The following TMOD1 variants were observed in gnomAD, a reference collection of about 807,000 sequenced individuals.
TMOD1 encodes the protein tropomodulin-1.
In TMOD1, 17 loss-of-function variants were observed where a neutral mutation model predicts 40.6. The ratio of observed to expected loss-of-function variants is 0.42; its 90% CI spans 0.29 to 0.63. TMOD1 has a LOEUF of 0.63. Ranked by LOEUF, TMOD1 falls within the 20% of genes least tolerant of loss-of-function variation. TMOD1 has a pLI of 0.22. For synonymous variants in TMOD1, 181 were observed against 175.0 expected (o/e 1.03, Z -0.27); for missense variants, 391 against 447.6 (o/e 0.87, Z 1.14).
At chr9:97,565,787 T>C in intron 6 of TMOD1, 61 bp from the exon 7 acceptor site, 2 of 1,369,814 alleles carry the variant, frequency 1.5e-6, no homozygotes, top group Non-Finnish European at 2.1e-6. Flanking sequence ...CTAATCCACC[T>C]GCCTCAGCCT....
In TMOD1 at chr9:97,562,836, G is replaced by T; in HGVS notation, c.487+15G>T. 1 of 1,568,008 alleles carries T rather than the reference G, an allele frequency of 6.4e-7. No homozygotes were observed. ...GGGGCTCAACAGTGAGTATGCGCCC[G>T]CCCCCAGGAGGGACCTCATGCTTCT... is the stretch of plus-strand genomic sequence containing the variant. On this transcript the variant is annotated intron_variant, in intron 5 of 9. Coordinates refer to ENST00000259365, the MANE Select transcript of TMOD1 (RefSeq NM_003275.4).
chr9:97,572,390 G>T (rs1587950988), intron 8 of TMOD1, among the ~76,000 whole-genome samples: 2 of 152,186 alleles, frequency 1.3e-5, no homozygotes, highest in African/African-American at 4.8e-5. Flanking sequence ...GGGGACTGGG[G>T]GCAAGGAGAG....
chr9:97,551,030 T>A (rs1438776930), intron 3 of TMOD1, among the ~76,000 whole-genome samples: 2,042 of 36,640 alleles, frequency 0.056, 44 homozygotes, highest in South Asian at 0.12. Context: ...TTTTTTTTTT[T>A]TTTTTTTTTT....
At chr9:97,511,572 G>T (rs1829699843) in intron 1 of TMOD1, among the ~76,000 whole-genome samples, 1 of 152,152 alleles carries the variant, frequency 6.6e-6, no homozygotes, top group Non-Finnish European at 1.5e-5. Context: ...CCCCTGGGCA[G>T]TTTTTGTTTG....
chr9:97,556,497 G>A (rs1404685652), intron 4 of TMOD1, among the ~76,000 whole-genome samples: 3 of 152,120 alleles, frequency 2.0e-5, no homozygotes, highest in African/African-American at 7.2e-5. Context: ...AGGGAGAGGA[G>A]GACATGGGGC....
chr9:97,578,396 C>T (rs776429834), intron 8 of TMOD1, among the ~76,000 whole-genome samples: 2 of 152,158 alleles, frequency 1.3e-5, no homozygotes, highest in African/African-American at 2.4e-5. Context: ...GGTGTATGCA[C>T]GTGTTCTATT....
chr9:97,512,800 T>C (rs1326916640), intron 1 of TMOD1: 1 of 151,924 alleles, frequency 6.6e-6, no homozygotes, highest in Non-Finnish European at 1.5e-5. Flanking sequence ...TTGAGGGAGA[T>C]TGACCAGGAG....
Position 97,599,497 on chromosome 9 carries a change from G to A in TMOD1, c.1016-137G>A, listed in dbSNP as rs147227792. The A allele has an allele frequency of 4.2e-4, 441 of 1,045,150 alleles. 7 individuals carry two copies. In the South Asian group the frequency reaches 5.6e-3, roughly 13 times the overall value. 64.7% of individuals were successfully genotyped at this position (1,045,150 alleles called of 1,614,324 possible). A position where few individuals can be genotyped will look rare whatever the true frequency, so the allele number is the denominator to read the frequency against. ...GGCTGTTGTACAACTCACACATACTGTCCTTTCAAAACAACAGACTTCAGA... is the reference window on the plus strand; with the variant it reads ...GGCTGTTGTACAACTCACACATACTATCCTTTCAAAACAACAGACTTCAGA... On this transcript the variant is annotated intron_variant, in intron 9 of 9. Transcript: ENST00000259365.
At chr9:97,550,111 A>G (rs191452096) in intron 3 of TMOD1, among the ~76,000 whole-genome samples, 82 of 152,324 alleles carry the variant, frequency 5.4e-4, no homozygotes, top group Admixed American at 9.8e-4. Flanking sequence ...CTTATTTTGT[A>G]TACTTTCTAC....
chr9:97,565,728 C>T lies in TMOD1; in HGVS notation c.619-120C>T, dbSNP rs566621775. On this transcript the variant is annotated intron_variant, in intron 6 of 9. Transcript: ENST00000259365. ...CGGGACAAAGCCTAAACCTTTTGCC[C>T]ATTCAGCTTTTTGGCCAGAGACTTG... 2.3e-5 allele frequency: 17 copies of T among 743,992 alleles called. No homozygotes were observed. In the South Asian group the frequency reaches 3.1e-4, roughly 13 times the overall value. 46.1% of individuals were successfully genotyped at this position (743,992 alleles called of 1,614,324 possible).
intron 8 of TMOD1, among the ~76,000 whole-genome samples, chr9:97,578,060 A>G (rs546951047): frequency 6.6e-6 from 1 of 152,092 alleles, no homozygotes; most frequent in East Asian, 1.9e-4. Context: ...AGCTTCTTTG[A>G]CATCTCTTTT....
chr9:97,599,787 G>A lies in TMOD1; in HGVS notation c.*89G>A. The A allele has an allele frequency of 6.2e-7, 1 of 1,603,484 alleles. No individual in the cohort carries two copies. Among genetic ancestry groups the A allele is most frequent in the Non-Finnish European group, 8.5e-7 (1 of 1,173,586 alleles). On this transcript the variant is annotated 3_prime_UTR_variant, in exon 10 of 10. Transcript: ENST00000259365. ...GGGGAAACCAGAAGGCAAAATGCTG[G>A]CAGCATGAAACCCTTTTGTGGTTCA...
At chr9:97,573,482 G>C (rs966585942) in intron 8 of TMOD1, among the ~76,000 whole-genome samples, 2 of 152,176 alleles carry the variant, frequency 1.3e-5, no homozygotes, top group African/African-American at 2.4e-5. Flanking sequence ...CGTTGCGATT[G>C]TATCAGTTTT....
At chr9:97,535,369 T>C (rs552997794) in intron 2 of TMOD1, among the ~76,000 whole-genome samples, 1 of 152,282 alleles carries the variant, frequency 6.6e-6, no homozygotes, top group South Asian at 2.1e-4. Flanking sequence ...TAGCAGGCCA[T>C]GCCGCCCTCA....
Position 97,514,241 on chromosome 9 carries a change from G to T in TMOD1, c.-48-9900G>T, listed in dbSNP as rs376154271. ...CACACCTGGCTAATGTTTTTTTTTT[G>T]GGGGGGGGGTTGTGTTTTCTTTTTT... On this transcript the variant is annotated intron_variant, in intron 1 of 9. Coordinates refer to ENST00000259365, the MANE Select transcript of TMOD1 (RefSeq NM_003275.4). 4.4e-3 allele frequency among the ~76,000 whole-genome samples: 265 copies of T among 60,232 alleles called. 1 individual carries two copies. Among genetic ancestry groups the T allele is most frequent in the Middle Eastern group, 0.024 (2 of 84 alleles). 39.5% of individuals were successfully genotyped at this position (60,232 alleles called of 152,430 possible). A position where few individuals can be genotyped will look rare whatever the true frequency, so the allele number is the denominator to read the frequency against.
intron 7 of TMOD1, among the ~76,000 whole-genome samples, chr9:97,566,835 G>A (rs1209156273): frequency 6.8e-6 from 1 of 146,076 alleles, no homozygotes; most frequent in Non-Finnish European, 1.5e-5. Flanking sequence ...TAAACATCCA[G>A]CACATATGTA....
chr9:97,537,523 G>A (rs2131236825), intron 2 of TMOD1, among the ~76,000 whole-genome samples: 1 of 152,294 alleles, frequency 6.6e-6, no homozygotes, highest in South Asian at 2.1e-4. Context: ...TTAAGGATCT[G>A]TCCAAGTTTC....
chr9:97,520,329 C>T (rs941248185), intron 1 of TMOD1, among the ~76,000 whole-genome samples: 2 of 152,162 alleles, frequency 1.3e-5, no homozygotes, highest in Non-Finnish European at 2.9e-5. Context: ...CACCTCTTCT[C>T]TTAGGAAACA....
At chr9:97,577,514 C>G (rs1825638903) in intron 8 of TMOD1, among the ~76,000 whole-genome samples, 1 of 152,134 alleles carries the variant, frequency 6.6e-6, no homozygotes, top group South Asian at 2.1e-4. Context: ...TGAGGATGGG[C>G]ATAGTGGCTC....
Sources: gnomAD v4.1 joint callset for allele counts (sites outside exome capture counted in the v4.1 genomes callset) on GRCh38, gnomAD v4.1.1 for gene constraint, MANE v1.5 for transcripts, NCBI Gene and HGNC (gene_info 2026-07-23, HGNC 2026-07-21) for gene names.